JAKMIP1: variants seen among roughly 807,000 people sequenced by gnomAD.
JAKMIP1 encodes the protein janus kinase and microtubule interacting protein 1, also known as janus kinase and microtubule-interacting protein 1.
JAKMIP1 carries 33 observed loss-of-function variants against 113.0 expected under a neutral mutation model. That is an observed-to-expected ratio of 0.29 (90% confidence interval 0.22 to 0.39). The LOEUF (loss-of-function observed/expected upper bound fraction) is 0.39, where lower values mean the gene tolerates loss of function less well. JAKMIP1 is among the 10% of genes least tolerant of loss of function. JAKMIP1 has a pLI of 1.00. For synonymous variants in JAKMIP1, 480 were observed against 459.9 expected (o/e 1.04, Z -0.56); for missense variants, 813 against 1,080.5 (o/e 0.75, Z 3.47).
chr4:6,108,561 C>T lies in JAKMIP1; in HGVS notation c.130-2594G>A, dbSNP rs764920109. ...ACCCCTTTCCATCCTCATCCTCATC[C>T]AATCCAGCAGCACTGGCTCTCCATG... On this transcript the variant is annotated intron_variant, in intron 2 of 20. Coordinates refer to ENST00000409021, the MANE Select transcript of JAKMIP1 (RefSeq NM_001099433.2). This position sits in a 1 kb window ranked among gnomAD's most constrained non-coding sequence, Gnocchi z 5.6. Among the ~76,000 whole-genome samples, 11 of 152,138 alleles carry T rather than the reference C, an allele frequency of 7.2e-5. No homozygotes were observed. The highest frequency in any genetic ancestry group is 1.5e-4 in the Non-Finnish European group (10 of 68,020).
chr4:6,042,156 T>C lies in JAKMIP1; in HGVS notation c.2097+3A>G. 1 of 1,613,412 alleles carries C rather than the reference T, an allele frequency of 6.2e-7. No individual in the cohort carries two copies. The highest frequency in any genetic ancestry group is 1.1e-5 in the South Asian group (1 of 91,072). On this transcript the variant is annotated splice_donor_region_variant and intron_variant, in intron 17 of 20. Coordinates refer to ENST00000409021, the MANE Select transcript of JAKMIP1 (RefSeq NM_001099433.2). The surrounding 1 kb of genome is among the most constrained non-coding windows in gnomAD (Gnocchi z 5.2). ...CCCACCCCCAGGCAGTCAAATCTTT[T>C]ACCTTCTCCTTCTCCAGGTCCAGCA...
rs1177078240 is a variant in JAKMIP1 at position 6,199,286 on chromosome 4, G to A, written c.-148+967C>T. Among the ~76,000 whole-genome samples, 3 of 152,240 alleles carry A rather than the reference G, an allele frequency of 2.0e-5. No individual in the cohort carries two copies. Among genetic ancestry groups the A allele is most frequent in the Non-Finnish European group, 4.4e-5 (3 of 68,042 alleles). On this transcript the variant is annotated intron_variant, in intron 1 of 20. Transcript: ENST00000409021. This position sits in a 1 kb window ranked among gnomAD's most constrained non-coding sequence, Gnocchi z 5.6. ...GCCGAGGCTGGCCCAGCCTTCAGGAGACCGGCGAGCTGGGGTGTGTGGGAG... is the reference window on the plus strand; with the variant it reads ...GCCGAGGCTGGCCCAGCCTTCAGGAAACCGGCGAGCTGGGGTGTGTGGGAG...
At chr4:6,038,355 A>G (rs58272301) in intron 18 of JAKMIP1, among the ~76,000 whole-genome samples, 3 of 125,408 alleles carry the variant, frequency 2.4e-5, no homozygotes, top group African/African-American at 1.1e-4. Flanking sequence ...AGGTTAACCC[A>G]GTAGCCCTCC....
intron 3 of JAKMIP1, among the ~76,000 whole-genome samples, chr4:6,100,564 T>C (rs1054551439): frequency 2.0e-5 from 3 of 152,238 alleles, no homozygotes; most frequent in African/African-American, 4.8e-5. Flanking sequence ...TATATAGATA[T>C]GTGTTTTCAT....
At position 6,143,005 on chromosome 4, in the gene JAKMIP1, T is replaced by C. The variant is rs1720377648; in HGVS notation, c.-147-30008A>G. On this transcript the variant is annotated intron_variant, in intron 1 of 20. Coordinates refer to ENST00000409021, the MANE Select transcript of JAKMIP1 (RefSeq NM_001099433.2). This position sits in a 1 kb window ranked among gnomAD's most constrained non-coding sequence, Gnocchi z 4.9. ...AATATGAAAAGAAAAACTGCCTCGA[T>C]GCCTTCTGGGGGCAGCCTGGTGGAC... Among the ~76,000 whole-genome samples the C allele has an allele frequency of 6.6e-6, 1 of 152,130 alleles. No individual in the cohort carries two copies. The highest frequency in any genetic ancestry group is 1.5e-5 in the Non-Finnish European group (1 of 68,030).
At position 6,143,637 on chromosome 4, in the gene JAKMIP1, C is replaced by T. The variant is rs1241561800; in HGVS notation, c.-147-30640G>A. ...TCTCTGAGTGAGATCCTTAGACCAG[C>T]AGCATCTGCATCAGCTGGGAGCTTG... On this transcript the variant is annotated intron_variant, in intron 1 of 20. Transcript: ENST00000409021. The surrounding 1 kb of genome is among the most constrained non-coding windows in gnomAD (Gnocchi z 4.9). 6.6e-6 allele frequency among the ~76,000 whole-genome samples: 1 copy of T among 152,176 alleles called. No individual in the cohort carries two copies. The highest frequency in any genetic ancestry group is 1.5e-5 in the Non-Finnish European group (1 of 68,030).
intron 1 of JAKMIP1, among the ~76,000 whole-genome samples, chr4:6,146,028 T>C (rs1336002619): frequency 2.0e-5 from 3 of 152,154 alleles, no homozygotes; most frequent in African/African-American, 7.2e-5. Context: ...TGCAAGTGTC[T>C]CTCAATAGAT....
Position 6,094,036 on chromosome 4 carries a change from C to T in JAKMIP1, c.625-8407G>A, listed in dbSNP as rs956730325. Among the ~76,000 whole-genome samples the T allele has an allele frequency of 2.0e-5, 3 of 152,086 alleles. No individual in the cohort carries two copies. Among genetic ancestry groups the T allele is most frequent in the Non-Finnish European group, 4.4e-5 (3 of 68,022 alleles). ...TGTCACCTGTCACCCCAGTAGACTG[C>T]GAGCTCCCTGCAGATGGCCAGGCAG... On this transcript the variant is annotated intron_variant, in intron 3 of 20. Transcript: ENST00000409021. The surrounding 1 kb of genome is among the most constrained non-coding windows in gnomAD (Gnocchi z 4.2).
intron 19 of JAKMIP1, 49 bp downstream of exon 19, chr4:6,035,855 A>T: frequency 6.8e-7 from 1 of 1,477,718 alleles, no homozygotes; most frequent in Non-Finnish European, 9.1e-7. Context: ...TGCACACAGG[A>T]CAACAAGGGT....
chr4:6,046,843 C>T (rs1439681732), intron 16 of JAKMIP1, among the ~76,000 whole-genome samples: 1 of 152,178 alleles, frequency 6.6e-6, no homozygotes, highest in African/African-American at 2.4e-5. Flanking sequence ...CAGCGCCCTG[C>T]AGAGGGCTGC....
chr4:6,076,872 T>C lies in JAKMIP1; in HGVS notation c.1302+2067A>G, dbSNP rs1481232914. On this transcript the variant is annotated intron_variant, in intron 8 of 20. Coordinates refer to ENST00000409021, the MANE Select transcript of JAKMIP1 (RefSeq NM_001099433.2). The surrounding 1 kb of genome is among the most constrained non-coding windows in gnomAD (Gnocchi z 4.8). The stretch of plus-strand genomic sequence containing the variant: ...AAATAATTTTGTGCATGAATCAAAG[T>C]TTTGATAGTGTTTTTACTGCAACCT... 6.6e-6 allele frequency among the ~76,000 whole-genome samples: 1 copy of C among 152,102 alleles called. No homozygotes were observed. The highest frequency in any genetic ancestry group is 2.4e-5 in the African/African-American group (1 of 41,424).
rs1035846262 is a variant in JAKMIP1, at chr4:6,061,084, G to A, written c.1561-577C>T. Among the ~76,000 whole-genome samples the A allele has an allele frequency of 1.3e-5, 2 of 152,232 alleles. No individual in the cohort carries two copies. Among genetic ancestry groups the A allele is most frequent in the African/African-American group, 2.4e-5 (1 of 41,454 alleles). Reference sequence around the variant, plus strand: ...CCAGAGGCACACGTCCCATCTCAGGGAGACACTGCTACCCAGCAGCAGCCA... The same window carrying A: ...CCAGAGGCACACGTCCCATCTCAGGAAGACACTGCTACCCAGCAGCAGCCA... On this transcript the variant is annotated intron_variant, in intron 10 of 20. Coordinates refer to ENST00000409021, the MANE Select transcript of JAKMIP1 (RefSeq NM_001099433.2). The surrounding 1 kb of genome is among the most constrained non-coding windows in gnomAD (Gnocchi z 5.3).
rs1718148054 is a variant in JAKMIP1, at chr4:6,129,083, C to T, written c.-147-16086G>A. 6.6e-6 allele frequency among the ~76,000 whole-genome samples: 1 copy of T among 152,232 alleles called. No individual in the cohort carries two copies. Among genetic ancestry groups the T allele is most frequent in the African/African-American group, 2.4e-5 (1 of 41,466 alleles). On this transcript the variant is annotated intron_variant, in intron 1 of 20. Transcript: ENST00000409021. The surrounding 1 kb of genome is among the most constrained non-coding windows in gnomAD (Gnocchi z 5.4). ...GAGCAGGTGACAGTACCCCTGGGAG[C>T]CCTCTTTGGATGCCTGCTGGATGAT... is the stretch of plus-strand genomic sequence containing the variant.
In JAKMIP1 at chr4:6,102,722, C is replaced by CTTTTTTTTTTTTTTTTTTTTTTTTT. The variant is rs1191358910; in HGVS notation, c.624+2726_624+2750dup. ...TCCCTTTTTTCTCCCTCTCTAAAGA[C>CTTTTTTTTTTTTTTTTTTTTTTTTT]TTTTTTTTTTTTTTTTTTTTTTTTT... On this transcript the variant is annotated intron_variant, in intron 3 of 20. Transcript: ENST00000409021. Among the ~76,000 whole-genome samples, 2 of 50,820 alleles carry CTTTTTTTTTTTTTTTTTTTTTTTTT rather than the reference C, an allele frequency of 3.9e-5. 1 individual carries two copies. The highest frequency in any genetic ancestry group is 1.7e-4 in the African/African-American group (2 of 11,686). 33.3% of individuals were successfully genotyped at this position (50,820 alleles called of 152,430 possible). A position where few individuals can be genotyped will look rare whatever the true frequency, so the allele number is the denominator to read the frequency against.
chr4:6,196,838 G>A (rs150741339), intron 1 of JAKMIP1, among the ~76,000 whole-genome samples: 1,562 of 148,188 alleles, frequency 0.011, 14 homozygotes, highest in Non-Finnish European at 0.016. Flanking sequence ...TCCAGCCTGG[G>A]CAACAAGAAA....
In JAKMIP1 at chr4:6,156,256, G is replaced by A. The variant is rs1722229964; in HGVS notation, c.-147-43259C>T. 6.6e-6 allele frequency among the ~76,000 whole-genome samples: 1 copy of A among 152,188 alleles called. No individual in the cohort carries two copies. On this transcript the variant is annotated intron_variant, in intron 1 of 20. Transcript: ENST00000409021. This position sits in a 1 kb window ranked among gnomAD's most constrained non-coding sequence, Gnocchi z 5.0. ...CCCGCCAACACAGGAACAAGCGAAT[G>A]CCACTGTATCACACTGATCCTAAGT...
At chr4:6,127,063 G>A (rs1188665223) in intron 1 of JAKMIP1, among the ~76,000 whole-genome samples, 8 of 152,004 alleles carry the variant, frequency 5.3e-5, no homozygotes, top group South Asian at 2.1e-4. Context: ...ACACCCGGCC[G>A]CACAGAGTTG....
chr4:6,112,690 C>CAT (rs1434405420), intron 2 of JAKMIP1, 32 bp downstream of exon 2: 1 of 1,607,318 alleles, frequency 6.2e-7, no homozygotes. Context: ...CATTTGCAGC[C>CAT]CAGCCGCTGC....
At chr4:6,073,923 C>T (rs1347169836) in intron 8 of JAKMIP1, among the ~76,000 whole-genome samples, 1 of 152,212 alleles carries the variant, frequency 6.6e-6, no homozygotes, top group Non-Finnish European at 1.5e-5. Flanking sequence ...TGTGCAAGTT[C>T]CAATAGCCTG....
Sources: gnomAD v4.1 joint callset for allele counts (sites outside exome capture counted in the v4.1 genomes callset) on GRCh38, gnomAD v4.1.1 for gene constraint, Gnocchi (gnomAD v3.1) non-coding constraint, MANE v1.5 for transcripts, NCBI Gene and HGNC (gene_info 2026-07-23, HGNC 2026-07-21) for gene names.